CERKL: variants seen among roughly 807,000 people sequenced by gnomAD.
The protein encoded by CERKL is CERK like autophagy regulator.
CERKL carries 61 observed loss-of-function variants against 63.4 expected under a neutral mutation model. That is an observed-to-expected ratio of 0.96 (90% CI 0.78 to 1.19). The LOEUF (loss-of-function observed/expected upper bound fraction) is 1.19, where lower values mean the gene tolerates loss of function less well. Among genes scored for constraint, CERKL ranks in the 50% most tolerant of loss-of-function variants. The pLI is 0.00. For synonymous variants in CERKL, 250 were observed against 230.5 expected (o/e 1.08, Z -0.77); for missense variants, 675 against 655.5 (o/e 1.03, Z -0.33).
intron 8 of CERKL, chr2:181,548,084 A>C (rs933388551): frequency 6.6e-6 from 4 of 601,680 alleles, no homozygotes; most frequent in Non-Finnish European, 1.2e-5. Flanking sequence ...TATTTCTTTA[A>C]AGACTATAAC....
At chr2:181,654,942 T>C (rs1024589516) in intron 1 of CERKL, among the ~76,000 whole-genome samples, 1 of 152,164 alleles carries the variant, frequency 6.6e-6, no homozygotes, top group African/African-American at 2.4e-5. Flanking sequence ...ACACCACGCC[T>C]GGCTATATTT....
At chr2:181,623,650 G>A (rs757671030) in intron 1 of CERKL, among the ~76,000 whole-genome samples, 19 of 152,090 alleles carry the variant, frequency 1.2e-4, no homozygotes, top group South Asian at 8.3e-4. Context: ...ATAAATAATC[G>A]TTGAACAAAG....
chr2:181,595,686 A>G (rs1014210568), intron 2 of CERKL, among the ~76,000 whole-genome samples: 1 of 152,204 alleles, frequency 6.6e-6, no homozygotes, highest in African/African-American at 2.4e-5. Context: ...TGATTTTTAC[A>G]TTATGTAAGC....
intron 1 of CERKL, among the ~76,000 whole-genome samples, chr2:181,636,783 G>A (rs1174568519): frequency 6.6e-6 from 1 of 152,056 alleles, no homozygotes. Context: ...CCTCTCTGTA[G>A]CTTTTCCTGA....
At position 181,547,744 on chromosome 2, in the gene CERKL, G is replaced by A. The variant is rs143023765; in HGVS notation, c.1160-18C>T. The stretch of plus-strand genomic sequence containing the variant: ...ATTACAGTCTAAAGGTAATGAAAGT[G>A]ATTGGTTATTTTCCCTCACCAGAAC... On this transcript the variant is annotated intron_variant, in intron 9 of 12. Coordinates refer to ENST00000410087, the MANE Select transcript of CERKL (RefSeq NM_201548.5). 3.1e-6 allele frequency: 5 copies of A among 1,612,926 alleles called. No individual in the cohort carries two copies. In the East Asian group the frequency reaches 1.1e-4, roughly 36 times the overall value.
intron 1 of CERKL, among the ~76,000 whole-genome samples, chr2:181,625,244 T>C (rs1420955663): frequency 1.3e-5 from 2 of 152,086 alleles, no homozygotes; most frequent in African/African-American, 4.8e-5. Context: ...AGATGAGGAC[T>C]GACCTTGACG....
intron 1 of CERKL, among the ~76,000 whole-genome samples, chr2:181,647,511 T>A (rs927385353): frequency 3.9e-5 from 6 of 152,084 alleles, no homozygotes; most frequent in Admixed American, 3.9e-4. Flanking sequence ...GACATTGCTG[T>A]GAAGATTACA....
chr2:181,580,346 T>C (rs1433260305), intron 2 of CERKL, among the ~76,000 whole-genome samples: 1 of 150,036 alleles, frequency 6.7e-6, no homozygotes. Flanking sequence ...ATAGCCTGCA[T>C]ATATCAAAAC....
chr2:181,619,068 A>AC (rs1227982281), intron 1 of CERKL, among the ~76,000 whole-genome samples: 1 of 151,204 alleles, frequency 6.6e-6, no homozygotes, highest in Non-Finnish European at 1.5e-5. Flanking sequence ...CATATTCTAT[A>AC]CCCCAAGTTC....
intron 11 of CERKL, among the ~76,000 whole-genome samples, chr2:181,542,523 C>T (rs773108221): frequency 2.0e-5 from 3 of 152,158 alleles, no homozygotes; most frequent in African/African-American, 4.8e-5. Flanking sequence ...AATAAACACA[C>T]CTGTGTGGAT....
chr2:181,565,534 T>C (rs749716006), intron 4 of CERKL: 12 of 1,443,102 alleles, frequency 8.3e-6, no homozygotes, highest in African/African-American at 4.2e-5. Flanking sequence ...ACCTAAATTG[T>C]AGTCACTACA....
chr2:181,624,786 A>G (rs1686612472), intron 1 of CERKL, among the ~76,000 whole-genome samples: 1 of 152,220 alleles, frequency 6.6e-6, no homozygotes, highest in African/African-American at 2.4e-5. Context: ...TGGTTTGGAC[A>G]ATCAGAATAA....
chr2:181,624,886 A>G (rs187538694), intron 1 of CERKL, among the ~76,000 whole-genome samples: 225 of 152,334 alleles, frequency 1.5e-3, no homozygotes, highest in African/African-American at 5.0e-3. Context: ...TGTAGAACAT[A>G]AGTTTGAGAA....
intron 2 of CERKL, among the ~76,000 whole-genome samples, chr2:181,578,634 C>T (rs145060277): frequency 6.6e-6 from 1 of 152,036 alleles, no homozygotes; most frequent in African/African-American, 2.4e-5. Flanking sequence ...CAAAAATGCA[C>T]GTATATTCTA....
At chr2:181,612,272 T>C (rs932790147) in intron 1 of CERKL, among the ~76,000 whole-genome samples, 1 of 152,220 alleles carries the variant, frequency 6.6e-6, no homozygotes, top group South Asian at 2.1e-4. Context: ...TTTTGTTTTT[T>C]ATTAAGGTAT....
intron 2 of CERKL, among the ~76,000 whole-genome samples, chr2:181,591,365 A>G (rs1402801950): frequency 6.6e-6 from 1 of 152,126 alleles, no homozygotes; most frequent in Non-Finnish European, 1.5e-5. Flanking sequence ...TATTAAATAT[A>G]TATAATGAAA....
Position 181,536,968 on chromosome 2 carries a change from C to T in CERKL, c.*1216G>A, listed in dbSNP as rs886055313. ...AAGTCCCTGCCACTAGCCAGCCATC[C>T]TAATTGATGAAAGTTATCTGTTCAC... On this transcript the variant is annotated 3_prime_UTR_variant, in exon 13 of 13. Transcript: ENST00000410087. The T allele has an allele frequency of 4.4e-6, 2 of 452,304 alleles. No homozygotes were observed. Among genetic ancestry groups the T allele is most frequent in the African/African-American group, 2.0e-5 (1 of 49,860 alleles). 28.0% of individuals were successfully genotyped at this position (452,304 alleles called of 1,614,324 possible).
chr2:181,602,821 A>G (rs1574488388), intron 2 of CERKL, among the ~76,000 whole-genome samples: 1 of 152,308 alleles, frequency 6.6e-6, no homozygotes, highest in African/African-American at 2.4e-5. Flanking sequence ...AGCTGCCTCT[A>G]CTCTGATCTG....
intron 3 of CERKL, among the ~76,000 whole-genome samples, chr2:181,567,176 A>G (rs182861195): frequency 2.0e-5 from 3 of 152,276 alleles, no homozygotes; most frequent in Admixed American, 1.3e-4. Context: ...TTAAATTCCA[A>G]TCAGAAGAAA....
Sources: allele counts gnomAD v4.1 joint callset (sites outside exome capture counted in the v4.1 genomes callset), GRCh38; gene constraint gnomAD v4.1.1; transcripts MANE v1.5; gene names NCBI Gene and HGNC (gene_info 2026-07-23, HGNC 2026-07-21).